Variants in DLGAP2 observed in about 807,000 individuals in gnomAD.
DLGAP2 encodes disks large-associated protein 2.
Under a neutral mutation model 100.3 loss-of-function variants are expected in DLGAP2, and 26 were observed. The observed-to-expected ratio is 0.26, with a 90% CI of 0.19 to 0.36. DLGAP2 has a LOEUF of 0.36. Among genes scored for constraint, DLGAP2 ranks in the 10% least tolerant of loss-of-function variants. The pLI is 1.00. For synonymous variants in DLGAP2, 886 were observed against 630.1 expected, an observed-to-expected ratio of 1.41 and a Z score of -6.08; for missense variants, 1,858 against 1,453.2, an observed-to-expected ratio of 1.28 and a Z score of -4.53.
chr8:1,253,351 G>A (rs1016780751), intron 2 of DLGAP2, among the ~76,000 whole-genome samples: 3 of 152,156 alleles, frequency 2.0e-5, no homozygotes, highest in African/African-American at 4.8e-5. Context: ...CTGCTACTGC[G>A]CACCCCTCCC....
At chr8:1,454,067 A>T (rs959526774) in intron 3 of DLGAP2, among the ~76,000 whole-genome samples, 4 of 152,246 alleles carry the variant, frequency 2.6e-5, no homozygotes, top group Non-Finnish European at 4.4e-5. Context: ...ACAGATCGCA[A>T]AGTTGAAATC....
At chr8:1,364,642 A>C (rs186669404) in intron 3 of DLGAP2, among the ~76,000 whole-genome samples, 1 of 152,196 alleles carries the variant, frequency 6.6e-6, no homozygotes, top group East Asian at 1.9e-4. Flanking sequence ...ACACAGATGC[A>C]TTGTGTCAAA....
intron 3 of DLGAP2, among the ~76,000 whole-genome samples, chr8:1,284,320 G>C (rs1031630915): frequency 8.5e-5 from 13 of 152,296 alleles, no homozygotes; most frequent in African/African-American, 2.9e-4. Context: ...GGATTCTGCT[G>C]TGCAGGTATC....
chr8:860,764 GACACGGCAGGTA>G (rs1236610524), intron 1 of DLGAP2, among the ~76,000 whole-genome samples: 1 of 152,228 alleles, frequency 6.6e-6, no homozygotes, highest in African/African-American at 2.4e-5. Flanking sequence ...TGGTGATGGA[GACACGGCAGGTA>G]GCGTGTGCAC....
chr8:1,287,332 T>C (rs13269803), intron 3 of DLGAP2, among the ~76,000 whole-genome samples: 73,549 of 95,768 alleles, frequency 0.77, 29,608 homozygotes, highest in African/African-American at 0.89. Flanking sequence ...TGTGTGTGTG[T>C]GCGTGGTTCT....
At chr8:1,115,566 A>T (rs1211608580) in intron 2 of DLGAP2, among the ~76,000 whole-genome samples, 1 of 152,196 alleles carries the variant, frequency 6.6e-6, no homozygotes, top group East Asian at 1.9e-4. Flanking sequence ...CACACCATAG[A>T]TGCTGTAGAA....
chr8:904,777 C>T (rs1361592507), intron 1 of DLGAP2, among the ~76,000 whole-genome samples: 1 of 152,328 alleles, frequency 6.6e-6, no homozygotes, highest in South Asian at 2.1e-4. Flanking sequence ...AGAACTCACG[C>T]CTCCTGATCT....
At chr8:1,036,290 G>T (rs997390933) in intron 2 of DLGAP2, among the ~76,000 whole-genome samples, 7 of 152,248 alleles carry the variant, frequency 4.6e-5, no homozygotes, top group African/African-American at 1.4e-4. Context: ...TGAACACTGT[G>T]CTAGAAGGTC....
chr8:1,324,692 C>A (rs1216539600), intron 3 of DLGAP2, among the ~76,000 whole-genome samples: 1 of 152,218 alleles, frequency 6.6e-6, no homozygotes, highest in African/African-American at 2.4e-5. Context: ...CCTTTTCAGC[C>A]ATTTCACAAT....
rs190296001 is a variant in DLGAP2, at chr8:1,249,609, G to T, written c.74-9242G>T. Among the ~76,000 whole-genome samples, 7 of 152,194 alleles carry T rather than the reference G, an allele frequency of 4.6e-5. No homozygotes were observed. In the East Asian group the frequency reaches 1.4e-3, roughly 29 times the overall value. ...ACAGGCAAATCACTTCATTTCTTTG[G>T]GCTTCTTTTTCCTGAACTGAATGAA... On this transcript the variant is annotated intron_variant, in intron 2 of 14. Coordinates refer to ENST00000637795, the MANE Select transcript of DLGAP2 (RefSeq NM_001346810.2).
chr8:781,510 G>T (rs1262178116), intron 1 of DLGAP2, among the ~76,000 whole-genome samples: 1 of 152,102 alleles, frequency 6.6e-6, no homozygotes. Context: ...GTGATTAACT[G>T]CTGTAATTAA....
intron 1 of DLGAP2, among the ~76,000 whole-genome samples, chr8:788,126 A>G (rs993186683): frequency 2.6e-5 from 4 of 152,298 alleles, no homozygotes; most frequent in Admixed American, 2.6e-4. Flanking sequence ...TGTCATGACA[A>G]GCATGCTGTT....
chr8:1,173,242 G>T (rs913514493), intron 2 of DLGAP2, among the ~76,000 whole-genome samples: 12 of 152,310 alleles, frequency 7.9e-5, no homozygotes, highest in South Asian at 2.1e-4. Context: ...TCTTCTGGAA[G>T]TTTTGTCTCA....
chr8:1,383,509 C>G (rs10866923), intron 3 of DLGAP2, among the ~76,000 whole-genome samples: 80,800 of 152,072 alleles, frequency 0.53, 21,811 homozygotes, highest in East Asian at 0.7. Flanking sequence ...CTCAAGGAGG[C>G]AAATGGTTTA....
chr8:1,352,082 C>CG (rs1801743998), intron 3 of DLGAP2, among the ~76,000 whole-genome samples: 1 of 50,898 alleles, frequency 2.0e-5, no homozygotes, highest in African/African-American at 6.0e-5. Context: ...CGGGTCCTGA[C>CG]TGTGTGTGGA....
chr8:871,162 G>A (rs951847459), intron 1 of DLGAP2, among the ~76,000 whole-genome samples: 23 of 152,286 alleles, frequency 1.5e-4, no homozygotes, highest in African/African-American at 4.3e-4. Flanking sequence ...GTTGGGTGCC[G>A]TGCCCTGCCC....
At position 1,379,065 on chromosome 8, in the gene DLGAP2, A is replaced by C. The variant is rs188139282; in HGVS notation, c.106+120182A>C. 5.9e-5 allele frequency among the ~76,000 whole-genome samples: 9 copies of C among 152,376 alleles called. No individual in the cohort carries two copies. In the East Asian group the frequency reaches 1.7e-3, roughly 29 times the overall value. ...AATGAAAAAATTCAATTTCTTTCCC[A>C]AAAAGGCTTAGTTAGCTTCTATGGC... On this transcript the variant is annotated intron_variant, in intron 3 of 14. Coordinates refer to ENST00000637795, the MANE Select transcript of DLGAP2 (RefSeq NM_001346810.2).
intron 2 of DLGAP2, among the ~76,000 whole-genome samples, chr8:1,227,435 C>G (rs978692770): frequency 6.6e-6 from 1 of 151,182 alleles, no homozygotes; most frequent in African/African-American, 2.4e-5. Flanking sequence ...GAGCCTGTGG[C>G]TGTCTTCACA....
At chr8:1,595,454 G>A (rs1288065514) in intron 6 of DLGAP2, among the ~76,000 whole-genome samples, 32 of 151,392 alleles carry the variant, frequency 2.1e-4, no homozygotes, top group Non-Finnish European at 1.5e-5. Context: ...ATGAGGTCAG[G>A]AGATCGAGAC....
Sources: allele counts gnomAD v4.1 joint callset (sites outside exome capture counted in the v4.1 genomes callset), GRCh38; gene constraint gnomAD v4.1.1; transcripts MANE v1.5; gene names NCBI Gene and HGNC (gene_info 2026-07-23, HGNC 2026-07-21).